DCTN6: variants seen among roughly 807,000 people sequenced by gnomAD.
DCTN6 encodes dynactin 6.
In DCTN6, 15 loss-of-function variants were observed where a neutral mutation model predicts 25.8. The observed-to-expected ratio is 0.58, with a 90% CI of 0.39 to 0.89. The LOEUF (loss-of-function observed/expected upper bound fraction) is 0.89. Among genes scored for constraint, DCTN6 ranks in the 40% least tolerant of loss-of-function variants. DCTN6 has a pLI of 0.00. For missense variants in DCTN6, 198 were observed against 237.6 expected (o/e 0.83, Z 1.09); for synonymous variants, 64 against 78.3 (o/e 0.82, Z 0.96).
chr8:30,175,104 C>A lies in DCTN6; in HGVS notation c.108C>A (p.His36Gln), dbSNP rs753848437. 1.2e-6 allele frequency: 2 copies of A among 1,613,992 alleles called. No individual in the cohort carries two copies. The highest frequency in any genetic ancestry group is 1.7e-6 in the Non-Finnish European group (2 of 1,180,018). Residue 36 changes from histidine (H) to glutamine (Q), a missense_variant, in exon 3 of 7, where the codon CAC becomes CAA. By Grantham distance (24) the His-to-Gln change is conservative. Transcript: ENST00000221114. Reference sequence around the variant, plus strand: ...TAACAGGACCTCGGACAGTGATCCACCCTAAAGCAAGAATTATTGCGGAAG... The same window carrying A: ...TAACAGGACCTCGGACAGTGATCCAACCTAAAGCAAGAATTATTGCGGAAG... The part of the protein sequence containing the change: ...DVTIGPRTVI[H>Q]PKARIIAEAG...
intron 4 of DCTN6, among the ~76,000 whole-genome samples, chr8:30,178,320 G>A (rs1481569090): frequency 1.3e-5 from 2 of 151,904 alleles, no homozygotes; most frequent in African/African-American, 4.8e-5. Context: ...AAAATTAGCC[G>A]GGCGTGATGG....
intron 1 of DCTN6, among the ~76,000 whole-genome samples, chr8:30,161,428 T>G (rs1803592773): frequency 6.6e-6 from 1 of 152,106 alleles, no homozygotes; most frequent in Non-Finnish European, 1.5e-5. Context: ...ACCAAGTACT[T>G]CTTCATACAA....
intron 4 of DCTN6, among the ~76,000 whole-genome samples, chr8:30,179,024 T>C (rs1421255775): frequency 6.6e-6 from 1 of 152,212 alleles, no homozygotes; most frequent in Non-Finnish European, 1.5e-5. Context: ...TAAAAGTTTA[T>C]ACAGTTTGAT....
intron 2 of DCTN6, 34 bp downstream of exon 2, chr8:30,164,209 T>C (rs1211101020): frequency 6.6e-7 from 1 of 1,508,354 alleles, no homozygotes; most frequent in Non-Finnish European, 9.2e-7. Flanking sequence ...TTTTCAAGAA[T>C]TGATGTGATT....
intron 1 of DCTN6, among the ~76,000 whole-genome samples, chr8:30,163,398 A>C (rs1803622250): frequency 6.6e-6 from 1 of 152,324 alleles, no homozygotes; most frequent in South Asian, 2.1e-4. Context: ...CTGGGATTAC[A>C]GGTGTGAGCC....
chr8:30,158,361 T>C (rs1803553482), intron 1 of DCTN6, among the ~76,000 whole-genome samples: 1 of 152,012 alleles, frequency 6.6e-6, no homozygotes, highest in Non-Finnish European at 1.5e-5. Context: ...AATTGCATAT[T>C]TTAACAAAAA....
At chr8:30,167,203 A>T (rs921377640) in intron 2 of DCTN6, among the ~76,000 whole-genome samples, 6 of 152,112 alleles carry the variant, frequency 3.9e-5, no homozygotes, top group Non-Finnish European at 7.4e-5. Flanking sequence ...GTGGTGGCGC[A>T]TGCCTGTAGT....
chr8:30,179,530 A>G (rs1014137267), intron 5 of DCTN6, 75 bp downstream of exon 5: 2 of 1,327,342 alleles, frequency 1.5e-6, no homozygotes, highest in Non-Finnish European at 2.1e-6. Flanking sequence ...AAACAACCTA[A>G]TAGAAACTGT....
Position 30,175,132 on chromosome 8 carries a change from G to A in DCTN6, c.136G>A (p.Gly46Arg), listed in dbSNP as rs1261148142. 9.3e-6 allele frequency: 15 copies of A among 1,613,940 alleles called. No homozygotes were observed. The highest frequency in any genetic ancestry group is 2.2e-5 in the South Asian group (2 of 91,074). The change falls in exon 3 of 7, where the codon GGG becomes AGG. Residue 46 changes from glycine to arginine, a missense_variant. Physicochemically the swap from Gly to Arg is moderately radical, Grantham distance 125. Coordinates refer to ENST00000221114, the MANE Select transcript of DCTN6 (RefSeq NM_006571.4). ...HPKARIIAEA[G>R]PIVIGEGNLI... Reference sequence around the variant, plus strand: ...TAAAGCAAGAATTATTGCGGAAGCCGGGCCAATAGTGATTGGCGAAGGGAA... The same window carrying A: ...TAAAGCAAGAATTATTGCGGAAGCCAGGCCAATAGTGATTGGCGAAGGGAA...
At position 30,164,036 on chromosome 8, in the gene DCTN6, T is replaced by C. The variant is rs1803632753; in HGVS notation, c.24-75T>C. On this transcript the variant is annotated intron_variant, in intron 1 of 6. Coordinates refer to ENST00000221114, the MANE Select transcript of DCTN6 (RefSeq NM_006571.4). ...ATCATTTTTTAAACCTTGTTTTCAT[T>C]ACAATGTCACGGTAGCTCCTCCAAC... is the stretch of plus-strand genomic sequence containing the variant. 26 of 1,310,878 alleles carry C rather than the reference T, an allele frequency of 2.0e-5. No homozygotes were observed. In the South Asian group the frequency reaches 3.0e-4, roughly 15 times the overall value. The allele number at this position is 1,310,878 out of a possible 1,614,324, so 81.2% of individuals were successfully genotyped here.
intron 2 of DCTN6, 83 bp from the exon 3 acceptor site, chr8:30,175,002 C>A: frequency 7.7e-7 from 1 of 1,304,360 alleles, no homozygotes; most frequent in Non-Finnish European, 1.1e-6. Flanking sequence ...TCCCAACAGC[C>A]TCACCCATCC....
intron 3 of DCTN6, 172 bp from the exon 4 acceptor site, chr8:30,176,954 T>C (rs1450159531): frequency 1.4e-5 from 7 of 513,230 alleles, no homozygotes; most frequent in Non-Finnish European, 2.1e-5. Flanking sequence ...GCCTGGGTGA[T>C]AGAGTGAGAT....
chr8:30,175,574 CATGCCT>C, intron 3 of DCTN6, among the ~76,000 whole-genome samples: 1 of 147,834 alleles, frequency 6.8e-6, no homozygotes, highest in Admixed American at 7.1e-5. Context: ...TGTTATTACT[CATGCCT>C]AAACACGTGA....
chr8:30,156,877 G>A (rs1585496312), intron 1 of DCTN6, among the ~76,000 whole-genome samples: 2 of 152,194 alleles, frequency 1.3e-5, no homozygotes, highest in South Asian at 2.1e-4. Context: ...TGGAGGGTGG[G>A]GTGTGTAAAG....
In DCTN6 at chr8:30,177,057, T is replaced by C. The variant is rs1316510266; in HGVS notation, c.195-69T>C. On this transcript the variant is annotated intron_variant, in intron 3 of 6. Coordinates refer to ENST00000221114, the MANE Select transcript of DCTN6 (RefSeq NM_006571.4). ...TAAAATTGAAAGAATTAACCCAAAT[T>C]CGAAAATGGGAAGAAAATTGCTTAT... 1.0e-5 allele frequency: 13 copies of C among 1,266,668 alleles called. 1 individual carries two copies. The highest frequency in any genetic ancestry group is 1.5e-5 in the African/African-American group (1 of 66,922). The allele number at this position is 1,266,668 out of a possible 1,614,324, so 78.5% of individuals were successfully genotyped here.
intron 5 of DCTN6, among the ~76,000 whole-genome samples, chr8:30,179,941 A>G (rs1045621459): frequency 1.6e-4 from 24 of 152,242 alleles, no homozygotes; most frequent in African/African-American, 5.5e-4. Context: ...TTGTCCCACC[A>G]AGGTCCAGAA....
At chr8:30,162,981 G>A (rs1472396670) in intron 1 of DCTN6, among the ~76,000 whole-genome samples, 1 of 115,054 alleles carries the variant, frequency 8.7e-6, no homozygotes, top group Admixed American at 1.1e-4. Context: ...ATAGCTTGGA[G>A]ATCATTCCAT....
intron 2 of DCTN6, among the ~76,000 whole-genome samples, chr8:30,166,628 G>C (rs16876600): frequency 0.072 from 10,933 of 152,142 alleles, 515 homozygotes; most frequent in East Asian, 0.17. Flanking sequence ...GCATTATCCT[G>C]TGCAAGGAAG....
At chr8:30,174,805 T>C (rs1004957769) in intron 2 of DCTN6, among the ~76,000 whole-genome samples, 1 of 152,194 alleles carries the variant, frequency 6.6e-6, no homozygotes, top group Non-Finnish European at 1.5e-5. Flanking sequence ...TCATCACCTC[T>C]GTTTCACCGC....
Sources: allele counts gnomAD v4.1 joint callset (sites outside exome capture counted in the v4.1 genomes callset), GRCh38; gene constraint gnomAD v4.1.1; transcripts MANE v1.5; gene names NCBI Gene and HGNC (gene_info 2026-07-23, HGNC 2026-07-21).